Variants in SND1 observed in about 807,000 individuals in gnomAD.
SND1 encodes the protein staphylococcal nuclease domain-containing protein 1.
A neutral mutation model predicts 121.7 loss-of-function variants in SND1; 38 were observed. The observed-to-expected ratio is 0.31, with a 90% CI of 0.24 to 0.41. SND1 has a LOEUF of 0.41. Ranked by LOEUF, SND1 falls within the 10% of genes least tolerant of loss-of-function variation. The pLI is 1.00. For missense variants in SND1, 868 were observed against 1,184.6 expected, an observed-to-expected ratio of 0.73 and a Z score of 3.92; for synonymous variants, 401 against 447.4, an observed-to-expected ratio of 0.90 and a Z score of 1.31.
chr7:127,802,699 C>A (rs1181052353), intron 10 of SND1, among the ~76,000 whole-genome samples: 1 of 152,246 alleles, frequency 6.6e-6, no homozygotes, highest in East Asian at 1.9e-4. Flanking sequence ...GTTTGTATAC[C>A]CAACTGCCCA....
At chr7:128,024,827 G>A (rs1400915991) in intron 16 of SND1, among the ~76,000 whole-genome samples, 1 of 152,176 alleles carries the variant, frequency 6.6e-6, no homozygotes, top group African/African-American at 2.4e-5. Context: ...AGATACAGTG[G>A]AGAAGAGGAG....
intron 12 of SND1, among the ~76,000 whole-genome samples, chr7:127,855,892 G>C (rs929832917): frequency 2.0e-5 from 3 of 152,122 alleles, no homozygotes; most frequent in Non-Finnish European, 4.4e-5. Context: ...TTAGTAAGTA[G>C]TAGCTACCCA....
intron 1 of SND1, among the ~76,000 whole-genome samples, chr7:127,680,590 C>T (rs546242277): frequency 1.9e-4 from 29 of 151,780 alleles, no homozygotes; most frequent in African/African-American, 6.1e-4. Context: ...GGCTCTGTTC[C>T]GCCCGGCTCA....
At chr7:127,843,798 A>G (rs1799007661) in intron 11 of SND1, among the ~76,000 whole-genome samples, 1 of 152,236 alleles carries the variant, frequency 6.6e-6, no homozygotes, top group African/African-American at 2.4e-5. Flanking sequence ...CAGTTCTATA[A>G]GAAATGACTA....
At chr7:127,874,181 G>C (rs1799647588) in intron 12 of SND1, among the ~76,000 whole-genome samples, 1 of 152,106 alleles carries the variant, frequency 6.6e-6, no homozygotes, top group Non-Finnish European at 1.5e-5. Flanking sequence ...ATGTGTCTCT[G>C]CCCCACCTGC....
intron 15 of SND1, among the ~76,000 whole-genome samples, chr7:127,971,030 C>T (rs1006361451): frequency 1.3e-5 from 2 of 152,214 alleles, no homozygotes; most frequent in Admixed American, 1.3e-4. Flanking sequence ...ATCGTCTTTA[C>T]AGGACCACAA....
chr7:127,864,990 C>T (rs941216403), intron 12 of SND1, among the ~76,000 whole-genome samples: 1 of 152,234 alleles, frequency 6.6e-6, no homozygotes, highest in Admixed American at 6.5e-5. Flanking sequence ...ATAGAAGCAC[C>T]ATTTATATCT....
intron 9 of SND1, among the ~76,000 whole-genome samples, chr7:127,720,100 TGCTAGAAGATCTAAG>T (rs1379575047): frequency 1.3e-5 from 2 of 152,234 alleles, no homozygotes; most frequent in Non-Finnish European, 2.9e-5. Flanking sequence ...ATACATTCTG[TGCTAGAAGATCTAAG>T]GCCTTTCAAG....
intron 2 of SND1, among the ~76,000 whole-genome samples, chr7:127,693,407 C>T (rs575895677): frequency 6.6e-6 from 1 of 152,092 alleles, no homozygotes; most frequent in African/African-American, 2.4e-5. Flanking sequence ...CTTTAAGAAC[C>T]CTTACTGAGG....
intron 16 of SND1, among the ~76,000 whole-genome samples, chr7:128,048,893 A>T (rs1207966140): frequency 1.3e-5 from 2 of 152,158 alleles, no homozygotes; most frequent in African/African-American, 4.8e-5. Flanking sequence ...TAGAGAGAGA[A>T]TGGTCCCTCT....
At chr7:127,980,919 TA>T (rs3214415) in intron 15 of SND1, among the ~76,000 whole-genome samples, 19,147 of 152,028 alleles carry the variant, frequency 0.13, 1,500 homozygotes, top group South Asian at 0.24. Flanking sequence ...TAACATGGAA[TA>T]AAAAAGACCA....
At chr7:127,941,756 G>A (rs1329312747) in intron 15 of SND1, among the ~76,000 whole-genome samples, 1 of 152,070 alleles carries the variant, frequency 6.6e-6, no homozygotes, top group East Asian at 1.9e-4. Context: ...TTGTACCATT[G>A]CCTTCTTCAT....
intron 10 of SND1, among the ~76,000 whole-genome samples, chr7:127,799,078 C>T (rs1182147539): frequency 6.6e-6 from 1 of 152,154 alleles, no homozygotes; most frequent in Non-Finnish European, 1.5e-5. Context: ...TTGTGGGAAT[C>T]ACACCAGACC....
chr7:128,036,290 TAAAATC>T (rs1175219097), intron 16 of SND1, among the ~76,000 whole-genome samples: 2 of 152,196 alleles, frequency 1.3e-5, no homozygotes, highest in African/African-American at 4.8e-5. Context: ...GTTTAATAAG[TAAAATC>T]AGAATTGCAA....
chr7:127,970,560 T>C (rs1296897334), intron 15 of SND1, among the ~76,000 whole-genome samples: 1 of 151,700 alleles, frequency 6.6e-6, no homozygotes. Flanking sequence ...CTTTCTCAAG[T>C]TTTTTTTTAA....
chr7:127,703,595 C>T (rs1379222945), intron 7 of SND1, among the ~76,000 whole-genome samples: 1 of 152,042 alleles, frequency 6.6e-6, no homozygotes, highest in East Asian at 1.9e-4. Flanking sequence ...ACCTATAGTC[C>T]CAGCTACTCA....
In SND1 at chr7:128,085,698, G is replaced by A; in HGVS notation, c.2235-13G>A. ...GGGCTGTCTCTTGAGCTCTGCCCATGATGCCATTGCAGGTACCGTGCCCGA... is the reference window on the plus strand; with the variant it reads ...GGGCTGTCTCTTGAGCTCTGCCCATAATGCCATTGCAGGTACCGTGCCCGA... On this transcript the variant is annotated splice_polypyrimidine_tract_variant and intron_variant, in intron 19 of 23. Transcript: ENST00000354725. This position sits in a 1 kb window ranked among gnomAD's most constrained non-coding sequence, Gnocchi z 4.4. 6.2e-7 allele frequency: 1 copy of A among 1,613,820 alleles called. No homozygotes were observed.
chr7:127,848,419 C>G (rs902138766), intron 12 of SND1, among the ~76,000 whole-genome samples: 1 of 152,178 alleles, frequency 6.6e-6, no homozygotes, highest in African/African-American at 2.4e-5. Context: ...CTCTCAGTCA[C>G]TCTCACTGGC....
intron 9 of SND1, among the ~76,000 whole-genome samples, chr7:127,714,827 C>T (rs2116372112): frequency 6.6e-6 from 1 of 152,316 alleles, no homozygotes; most frequent in South Asian, 2.1e-4. Flanking sequence ...TCAGAATTTT[C>T]TTCCTTTTTA....
Sources: gnomAD v4.1 joint callset for allele counts (sites outside exome capture counted in the v4.1 genomes callset) on GRCh38, gnomAD v4.1.1 for gene constraint, Gnocchi (gnomAD v3.1) non-coding constraint, MANE v1.5 for transcripts, NCBI Gene and HGNC (gene_info 2026-07-23, HGNC 2026-07-21) for gene names.